The following FOCAD variants were observed in gnomAD, a reference collection of about 807,000 sequenced individuals.
FOCAD encodes the protein KIAA1797.
FOCAD carries 198 observed loss-of-function variants against 225.6 expected under a neutral mutation model. That is an observed-to-expected ratio of 0.88 (90% CI 0.78 to 0.99). FOCAD has a LOEUF of 0.99. Ranked by LOEUF, FOCAD falls within the 50% of genes least tolerant of loss-of-function variation. The pLI is 0.00. For synonymous variants in FOCAD, 897 were observed against 755.0 expected (o/e 1.19, Z -3.08); for missense variants, 2,713 against 2,123.6 (o/e 1.28, Z -5.46).
At chr9:20,772,962 TATAG>T (rs1331941078) in intron 8 of FOCAD, among the ~76,000 whole-genome samples, 3 of 117,522 alleles carry the variant, frequency 2.6e-5, no homozygotes, top group African/African-American at 9.8e-5. Context: ...TTATATATAA[TATAG>T]ATAGTATATA....
intron 6 of FOCAD, among the ~76,000 whole-genome samples, chr9:20,763,169 C>G (rs1014104654): frequency 1.3e-5 from 2 of 152,150 alleles, no homozygotes; most frequent in South Asian, 2.1e-4. Context: ...TAAAACTACT[C>G]TGTAACTTAG....
At chr9:20,937,373 A>G (rs1407218869) in intron 28 of FOCAD, among the ~76,000 whole-genome samples, 1 of 152,170 alleles carries the variant, frequency 6.6e-6, no homozygotes, top group East Asian at 1.9e-4. Context: ...ACTGGTACCA[A>G]AACAGAGATA....
chr9:20,717,480 G>C (rs555862121), intron 2 of FOCAD, among the ~76,000 whole-genome samples: 1 of 152,142 alleles, frequency 6.6e-6, no homozygotes, highest in African/African-American at 2.4e-5. Context: ...TGTTTTAATG[G>C]AGTAAGCAAT....
Position 20,907,196 on chromosome 9 carries a change from A to G in FOCAD, c.2672A>G (p.Gln891Arg). 6.2e-7 allele frequency: 1 copy of G among 1,613,262 alleles called. No homozygotes were observed. Among genetic ancestry groups the G allele is most frequent in the Non-Finnish European group, 8.5e-7 (1 of 1,179,524 alleles). Residue 891 changes from glutamine (Q) to arginine (R), a missense_variant, in exon 22 of 44, where the codon CAG (glutamine) becomes CGG (arginine). Gln to Arg is a conservative substitution (Grantham distance 43). Transcript: ENST00000338382. ...SEWHRAIFLP[Q>R]AWLAYMNRAY... ...TGGCACCGTGCAATTTTTCTTCCACAGGCCTGGCTTGCATACATGAATCGA... is the reference window on the plus strand; with the variant it reads ...TGGCACCGTGCAATTTTTCTTCCACGGGCCTGGCTTGCATACATGAATCGA...
intron 3 of FOCAD, 90 bp from the exon 4 acceptor site, chr9:20,720,290 A>C: frequency 2.3e-6 from 3 of 1,297,908 alleles, no homozygotes; most frequent in Non-Finnish European, 3.3e-6. Flanking sequence ...CCTACTGTGA[A>C]CAAATTACTC....
At chr9:20,736,884 G>A (rs1037922519) in intron 4 of FOCAD, among the ~76,000 whole-genome samples, 1 of 151,780 alleles carries the variant, frequency 6.6e-6, no homozygotes, top group Non-Finnish European at 1.5e-5. Flanking sequence ...TAACCTGAAA[G>A]TATCCCTCTC....
Position 20,764,951 on chromosome 9 carries a change from A to G in FOCAD, c.577A>G (p.Lys193Glu), listed in dbSNP as rs748683454. 5 of 1,614,128 alleles carry G rather than the reference A, an allele frequency of 3.1e-6. No individual in the cohort carries two copies. The highest frequency in any genetic ancestry group is 1.7e-4 in the Middle Eastern group (1 of 6,060). ...ACCATCTCAGTTACAAGAATATGCTAAACTCCGACTAGCCCTGCTGAAAGT... is the reference window on the plus strand; with the variant it reads ...ACCATCTCAGTTACAAGAATATGCTGAACTCCGACTAGCCCTGCTGAAAGT... ...CEPSQLQEYA[K>E]LRLALLKVLL... is the part of the protein sequence containing the mutation. The change falls in exon 7 of 44, where the codon AAA (lysine) becomes GAA (glutamate). Residue 193 changes from lysine to glutamate, a missense_variant. Coordinates refer to ENST00000338382, the MANE Select transcript of FOCAD (RefSeq NM_001375567.1).
intron 2 of FOCAD, among the ~76,000 whole-genome samples, chr9:20,677,901 T>G (rs2131293007): frequency 6.6e-6 from 1 of 152,374 alleles, no homozygotes; most frequent in Non-Finnish European, 1.5e-5. Flanking sequence ...TGCAGCATTA[T>G]TCACAGTAGT....
At chr9:20,905,316 G>C (rs906669889) in intron 21 of FOCAD, among the ~76,000 whole-genome samples, 11 of 151,906 alleles carry the variant, frequency 7.2e-5, no homozygotes, top group African/African-American at 2.7e-4. Flanking sequence ...ATGTTTTCAT[G>C]TTTAGAGGCT....
chr9:20,834,127 G>A (rs1173240192), intron 15 of FOCAD, among the ~76,000 whole-genome samples: 1 of 152,034 alleles, frequency 6.6e-6, no homozygotes, highest in African/African-American at 2.4e-5. Context: ...TCATAAAAAA[G>A]AACAACATCA....
chr9:20,663,600 A>C (rs1324496879), intron 2 of FOCAD, among the ~76,000 whole-genome samples: 2 of 152,140 alleles, frequency 1.3e-5, no homozygotes, highest in Non-Finnish European at 2.9e-5. Flanking sequence ...ATGCATCAAA[A>C]ACAATTCTAA....
intron 43 of FOCAD, 57 bp downstream of exon 43, chr9:20,993,385 G>C: frequency 3.6e-6 from 5 of 1,387,244 alleles, no homozygotes; most frequent in Non-Finnish European, 5.1e-6. Context: ...TGTTGTCTGT[G>C]GAGCAGAATG....
At chr9:20,763,730 G>A (rs1366505153) in intron 6 of FOCAD, among the ~76,000 whole-genome samples, 1 of 152,170 alleles carries the variant, frequency 6.6e-6, no homozygotes, top group African/African-American at 2.4e-5. Flanking sequence ...GGTGAATGAA[G>A]AGCAAGAAAT....
chr9:20,903,690 G>T (rs1832731462), intron 21 of FOCAD, among the ~76,000 whole-genome samples: 2 of 151,868 alleles, frequency 1.3e-5, no homozygotes, highest in Admixed American at 6.6e-5. Flanking sequence ...AAACAGGTCA[G>T]TTGTATGCCT....
At chr9:20,851,334 C>T (rs578122135) in intron 15 of FOCAD, among the ~76,000 whole-genome samples, 1 of 151,392 alleles carries the variant, frequency 6.6e-6, no homozygotes, top group Non-Finnish European at 1.5e-5. Flanking sequence ...GTCCCTGTTT[C>T]TAAAACCAGA....
At chr9:20,845,663 G>C (rs1055949558) in intron 15 of FOCAD, among the ~76,000 whole-genome samples, 1 of 151,878 alleles carries the variant, frequency 6.6e-6, no homozygotes, top group East Asian at 1.9e-4. Flanking sequence ...GCCGGTCCAA[G>C]GATGTATAAT....
At chr9:20,800,247 G>A (rs961887293) in intron 11 of FOCAD, among the ~76,000 whole-genome samples, 2 of 152,106 alleles carry the variant, frequency 1.3e-5, no homozygotes, top group Admixed American at 1.3e-4. Flanking sequence ...CCCTTTGTGG[G>A]TATCCCGACC....
At chr9:20,774,121 A>G (rs1402921992) in intron 8 of FOCAD, among the ~76,000 whole-genome samples, 5 of 152,224 alleles carry the variant, frequency 3.3e-5, no homozygotes, top group Non-Finnish European at 5.9e-5. Context: ...GAGGTGGTAC[A>G]GTTTCATCCC....
chr9:20,986,246 A>G, intron 39 of FOCAD, 42 bp from the exon 40 acceptor site: 1 of 1,211,156 alleles, frequency 8.3e-7, no homozygotes, highest in Admixed American at 3.7e-5. Flanking sequence ...TACTTCAGTT[A>G]ATTTAATAGT....
Sources: allele counts gnomAD v4.1 joint callset (sites outside exome capture counted in the v4.1 genomes callset), GRCh38; gene constraint gnomAD v4.1.1; transcripts MANE v1.5; gene names NCBI Gene and HGNC (gene_info 2026-07-23, HGNC 2026-07-21).